HS3ST3B1: variants seen among roughly 807,000 people sequenced by gnomAD.
HS3ST3B1 encodes the protein heparan sulfate-glucosamine 3-sulfotransferase 3B1.
In HS3ST3B1, 13 loss-of-function variants were observed where a neutral mutation model predicts 21.3. That is an observed-to-expected ratio of 0.61 (90% CI 0.40 to 0.97). HS3ST3B1 has a LOEUF of 0.97. Among genes scored for constraint, HS3ST3B1 ranks in the 50% least tolerant of loss-of-function variants. The pLI, the probability that HS3ST3B1 is intolerant of heterozygous loss-of-function variation, is 0.00. For synonymous variants in HS3ST3B1, 234 were observed against 254.8 expected, an observed-to-expected ratio of 0.92 and a Z score of 0.78; for missense variants, 459 against 554.8, an observed-to-expected ratio of 0.83 and a Z score of 1.73.
In HS3ST3B1 at chr17:14,347,109, C is replaced by G. The variant is rs1446005170; in HGVS notation, c.*1463C>G. The G allele has an allele frequency of 6.6e-6, 1 of 152,162 alleles. No individual in the cohort carries two copies. The highest frequency in any genetic ancestry group is 1.5e-5 in the Non-Finnish European group (1 of 68,050). 9.4% of individuals were successfully genotyped at this position (152,162 alleles called of 1,614,324 possible). On this transcript the variant is annotated 3_prime_UTR_variant, in exon 2 of 2. Coordinates refer to ENST00000360954, the MANE Select transcript of HS3ST3B1 (RefSeq NM_006041.3). ...GATAATATGGGTGGTAGCCAGTGGC[C>G]AAACAGCAAGAACTAAGAGTGGCCC...
At chr17:14,327,287 C>G (rs1268902725) in intron 1 of HS3ST3B1, 1 of 152,174 alleles carries the variant, frequency 6.6e-6, no homozygotes, top group Non-Finnish European at 1.5e-5. Context: ...ATAATTAACA[C>G]AAATCTGCTA....
Position 14,346,059 on chromosome 17 carries a change from C to G in HS3ST3B1, c.*413C>G. On this transcript the variant is annotated 3_prime_UTR_variant, in exon 2 of 2. Coordinates refer to ENST00000360954, the MANE Select transcript of HS3ST3B1 (RefSeq NM_006041.3). ...TTCCTGCCTGTGTACCTCGTAGGAA[C>G]GCTGAGCTGCCTCAACAGGGCTGTA... 1 of 181,964 alleles carries G rather than the reference C, an allele frequency of 5.5e-6. No homozygotes were observed. Among genetic ancestry groups the G allele is most frequent in the South Asian group, 1.2e-4 (1 of 8,612 alleles). 11.3% of individuals were successfully genotyped at this position (181,964 alleles called of 1,614,324 possible).
chr17:14,301,776 C>G lies in HS3ST3B1; in HGVS notation c.258C>G (p.Pro86=), dbSNP rs1908938498. The G allele has an allele frequency of 1.3e-6, 2 of 1,566,598 alleles. No homozygotes were observed. Among genetic ancestry groups the G allele is most frequent in the South Asian group, 1.2e-5 (1 of 86,412 alleles). The part of the protein sequence containing the change: ...ALATAPDGTP[P]RLPFRAPPAT... ...CCACAGCTCCGGACGGGACGCCCCC[C>G]AGGCTGCCGTTCCGGGCGCCGCCAG... is the stretch of plus-strand genomic sequence containing the variant. Residue 86 remains proline (P), a synonymous_variant, in exon 1 of 2, where the codon CCC becomes CCG. Transcript: ENST00000360954.
At chr17:14,323,843 C>T (rs1909728726) in intron 1 of HS3ST3B1, among the ~76,000 whole-genome samples, 1 of 152,176 alleles carries the variant, frequency 6.6e-6, no homozygotes, top group African/African-American at 2.4e-5. Context: ...CAATAGAGAG[C>T]TCAGCTCTTG....
At chr17:14,332,021 C>A (rs1910029643) in intron 1 of HS3ST3B1, among the ~76,000 whole-genome samples, 1 of 152,204 alleles carries the variant, frequency 6.6e-6, no homozygotes, top group Non-Finnish European at 1.5e-5. Context: ...CAAATTACAG[C>A]TCTCCTCTGT....
At chr17:14,315,655 T>A (rs1306185947) in intron 1 of HS3ST3B1, among the ~76,000 whole-genome samples, 3 of 152,066 alleles carry the variant, frequency 2.0e-5, no homozygotes, top group Non-Finnish European at 4.4e-5. Flanking sequence ...AAACCCTGTT[T>A]CTGCTAAAAA....
Position 14,314,231 on chromosome 17 carries a change from G to A in HS3ST3B1, c.554+12159G>A, listed in dbSNP as rs571567980. ...TGACCTCAGGTGATCCACCCGCCTC[G>A]GCCTCCCGAAATGCTGGGATTACAG... On this transcript the variant is annotated intron_variant, in intron 1 of 1. Coordinates refer to ENST00000360954, the MANE Select transcript of HS3ST3B1 (RefSeq NM_006041.3). Among the ~76,000 whole-genome samples, 13 of 122,396 alleles carry A rather than the reference G, an allele frequency of 1.1e-4. No homozygotes were observed. The South Asian group carries it at 2.9e-3, about 28-fold the overall frequency. The allele number at this position is 122,396 out of a possible 152,430, so 80.3% of individuals were successfully genotyped here. A position where few individuals can be genotyped will look rare whatever the true frequency, so the allele number is the denominator to read the frequency against.
intron 1 of HS3ST3B1, among the ~76,000 whole-genome samples, chr17:14,332,306 G>A (rs1910038855): frequency 1.3e-5 from 2 of 152,138 alleles, no homozygotes; most frequent in Admixed American, 6.6e-5. Flanking sequence ...GATTAGGACT[G>A]TAATGACCTT....
chr17:14,313,102 G>GTGTGTATATATCTACATATATATA (rs763647286), intron 1 of HS3ST3B1, among the ~76,000 whole-genome samples: 1 of 95,676 alleles, frequency 1.0e-5, no homozygotes, highest in Non-Finnish European at 2.0e-5. Context: ...TGGTGTGTGT[G>GTGTGTATATATCTACATATATATA]TGTGTGTATA....
chr17:14,304,689 C>T, intron 1 of HS3ST3B1: 1 of 152,166 alleles, frequency 6.6e-6, no homozygotes, highest in Non-Finnish European at 1.5e-5. Flanking sequence ...CCGCTCTGTC[C>T]CTGCAGTCAG....
intron 1 of HS3ST3B1, among the ~76,000 whole-genome samples, chr17:14,338,996 G>C (rs979789544): frequency 2.0e-5 from 3 of 152,178 alleles, no homozygotes; most frequent in Non-Finnish European, 4.4e-5. Flanking sequence ...TACCTGGTTA[G>C]TATCTCCTAG....
At chr17:14,337,668 T>C (rs762671267) in intron 1 of HS3ST3B1, among the ~76,000 whole-genome samples, 13 of 148,738 alleles carry the variant, frequency 8.7e-5, no homozygotes, top group Non-Finnish European at 1.8e-4. Context: ...TTCTTTTCTC[T>C]GCAGTTTGTA....
intron 1 of HS3ST3B1, chr17:14,305,212 CGAT>C (rs1260687569): frequency 3.9e-5 from 6 of 152,260 alleles, no homozygotes; most frequent in Non-Finnish European, 8.8e-5. Flanking sequence ...TTTTAGTCTG[CGAT>C]GATGACTCTT....
chr17:14,301,115 C>T lies in HS3ST3B1; in HGVS notation c.-404C>T, dbSNP rs1908897640. The T allele has an allele frequency of 9.8e-6, 2 of 204,702 alleles. No homozygotes were observed. The highest frequency in any genetic ancestry group is 1.5e-4 in the South Asian group (1 of 6,514). 12.7% of individuals were successfully genotyped at this position (204,702 alleles called of 1,614,324 possible). On this transcript the variant is annotated 5_prime_UTR_variant, in exon 1 of 2. Coordinates refer to ENST00000360954, the MANE Select transcript of HS3ST3B1 (RefSeq NM_006041.3). ...CTCTGCAGCCTCTGCGGGGAAGTGC[C>T]GGGGCTGCTCGAGGCTCAGTTCTTA...
rs1291452056 is a variant in HS3ST3B1, at chr17:14,345,264, T to G, written c.791T>G (p.Ile264Ser). 7.9e-7 allele frequency: 1 copy of G among 1,259,986 alleles called. No individual in the cohort carries two copies. Among genetic ancestry groups the G allele is most frequent in the Non-Finnish European group, 1.1e-6 (1 of 892,710 alleles). 78.1% of individuals were successfully genotyped at this position (1,259,986 alleles called of 1,614,324 possible). A position where few individuals can be genotyped will look rare whatever the true frequency, so the allele number is the denominator to read the frequency against. The part of the protein sequence containing the change: ...LTFKNRTAGL[I>S]DTSWSAIQIG... ...TTCAAAAACAGGACAGCGGGCCTCA[T>G]CGACACGTCGTGGAGCGCCATCCAG... Residue 264 changes from isoleucine (I) to serine (S), a missense_variant, in exon 2 of 2, where the codon ATC becomes AGC. Transcript: ENST00000360954.
At chr17:14,338,061 C>T (rs534846466) in intron 1 of HS3ST3B1, among the ~76,000 whole-genome samples, 4 of 151,746 alleles carry the variant, frequency 2.6e-5, no homozygotes, top group African/African-American at 7.3e-5. Context: ...AGGCATATAA[C>T]GCCAGTTAAA....
At chr17:14,341,185 T>A (rs183560192) in intron 1 of HS3ST3B1, among the ~76,000 whole-genome samples, 2 of 152,312 alleles carry the variant, frequency 1.3e-5, no homozygotes, top group African/African-American at 4.8e-5. Context: ...ATTGCCGATT[T>A]AGCATTCTGT....
intron 1 of HS3ST3B1, among the ~76,000 whole-genome samples, chr17:14,339,996 A>G (rs531451134): frequency 6.6e-6 from 1 of 152,256 alleles, no homozygotes; most frequent in African/African-American, 2.4e-5. Flanking sequence ...TGACTCCAGG[A>G]CTGCGCGGTT....
intron 1 of HS3ST3B1, among the ~76,000 whole-genome samples, chr17:14,313,831 A>G (rs1442821639): frequency 3.3e-5 from 5 of 151,940 alleles, no homozygotes; most frequent in Non-Finnish European, 7.4e-5. Flanking sequence ...TGGCCTCACA[A>G]AGTGCTGGGA....
Sources: allele counts gnomAD v4.1 joint callset (sites outside exome capture counted in the v4.1 genomes callset), GRCh38; gene constraint gnomAD v4.1.1; transcripts MANE v1.5; gene names NCBI Gene and HGNC (gene_info 2026-07-23, HGNC 2026-07-21).